Variants in CIITA observed in about 807,000 individuals in gnomAD.
The protein encoded by CIITA is class II major histocompatibility complex transactivator, also known as MHC class II transactivator.
A neutral mutation model predicts 115.1 loss-of-function variants in CIITA; 72 were observed. That is an observed-to-expected ratio of 0.63 (90% CI 0.52 to 0.76). The LOEUF is 0.76. Ranked by LOEUF, CIITA falls within the 30% of genes least tolerant of loss-of-function variation. The pLI is 0.00. For missense variants in CIITA, 1,617 were observed against 1,463.8 expected, an observed-to-expected ratio of 1.10 and a Z score of -1.71; for synonymous variants, 763 against 635.6, an observed-to-expected ratio of 1.20 and a Z score of -3.02.
chr16:10,906,683 G>C lies in CIITA; in HGVS notation c.1191G>C (p.Leu397=). ...WAERQLAQGG[L]AEVLLAAKEH... ...AACGGCAGCTGGCCCAAGGAGGCCT[G>C]GCTGAGGTGCTGTTGGCTGCCAAGG... Residue 397 remains leucine (L), a synonymous_variant, in exon 11 of 20, where the codon CTG becomes CTC. Transcript: ENST00000324288. 1.9e-6 allele frequency: 3 copies of C among 1,613,156 alleles called. No individual in the cohort carries two copies. The highest frequency in any genetic ancestry group is 2.5e-6 in the Non-Finnish European group (3 of 1,179,982).
In CIITA at chr16:10,879,144, G is replaced by A; in HGVS notation, c.52+1762G>A. The A allele has an allele frequency of 5.5e-6, 1 of 182,530 alleles. No individual in the cohort carries two copies. Among genetic ancestry groups the A allele is most frequent in the Non-Finnish European group, 1.2e-5 (1 of 85,652 alleles). The allele number at this position is 182,530 out of a possible 1,614,324, so 11.3% of individuals were successfully genotyped here. On this transcript the variant is annotated intron_variant, in intron 1 of 19. Coordinates refer to ENST00000324288, the MANE Select transcript of CIITA (RefSeq NM_000246.4). This position sits in a 1 kb window ranked among gnomAD's most constrained non-coding sequence, Gnocchi z 4.3. ...TCAAGGTCACACAGCAAGTCTGGGA[G>A]GATGGGGGGATGGAATATGCAAAAT...
chr16:10,905,244 A>G (rs1036242770), intron 10 of CIITA, among the ~76,000 whole-genome samples: 2 of 152,250 alleles, frequency 1.3e-5, no homozygotes, highest in Non-Finnish European at 2.9e-5. Flanking sequence ...AATCATTAAC[A>G]TCTCACACAA....
In CIITA at chr16:10,901,648, G is replaced by A. The variant is rs1289648465; in HGVS notation, c.481+90G>A. 1.0e-5 allele frequency: 14 copies of A among 1,371,842 alleles called. No individual in the cohort carries two copies. Among genetic ancestry groups the A allele is most frequent in the Non-Finnish European group, 1.3e-5 (13 of 980,164 alleles). 85.0% of individuals were successfully genotyped at this position (1,371,842 alleles called of 1,614,324 possible). On this transcript the variant is annotated intron_variant, in intron 6 of 19. Transcript: ENST00000324288. This position sits in a 1 kb window ranked among gnomAD's most constrained non-coding sequence, Gnocchi z 6.8. ...TGAACTCCTGGCCCAAGTCTGATGG[G>A]GATGGTGCATGGTGCAGCCCCTGCC...
Position 10,920,909 on chromosome 16 carries a change from C to A in CIITA, c.3150-1258C>A, listed in dbSNP as rs1204882131. On this transcript the variant is annotated intron_variant, in intron 16 of 19. Coordinates refer to ENST00000324288, the MANE Select transcript of CIITA (RefSeq NM_000246.4). This position sits in a 1 kb window ranked among gnomAD's most constrained non-coding sequence, Gnocchi z 4.5. ...CTTTTTTTTTCGAGACAGAGTTTCG[C>A]TCTTGTTGCCAAGGCTGGAGTGCAG... Among the ~76,000 whole-genome samples, 1 of 152,132 alleles carries A rather than the reference C, an allele frequency of 6.6e-6. No homozygotes were observed.
At position 10,906,995 on chromosome 16, in the gene CIITA, C is replaced by T. The variant is rs768999342; in HGVS notation, c.1503C>T (p.Phe501=). 2.8e-5 allele frequency: 45 copies of T among 1,610,378 alleles called. No homozygotes were observed. Among genetic ancestry groups the T allele is most frequent in the Non-Finnish European group, 3.5e-5 (41 of 1,179,894 alleles). The change falls in exon 11 of 20, where the codon TTC becomes TTT. Residue 501 remains phenylalanine, a synonymous_variant. Transcript: ENST00000324288. ...GCGTTCTGCTCATCCTAGACGGCTTCGAGGAGCTGGAAGCGCAAGATGGCT... is the reference window on the plus strand; with the variant it reads ...GCGTTCTGCTCATCCTAGACGGCTTTGAGGAGCTGGAAGCGCAAGATGGCT... The part of the protein sequence containing the change: ...PDRVLLILDG[F]EELEAQDGFL...
At position 10,902,791 on chromosome 16, in the gene CIITA, C is replaced by A. The variant is rs1274314062; in HGVS notation, c.762C>A (p.Phe254Leu). Residue 254 changes from phenylalanine (F) to leucine (L), a missense_variant, in exon 8 of 20, where the codon TTC becomes TTA. Transcript: ENST00000324288. ...CTGGAACAGGGGTCTCCAGTATATT[C>A]ATCTACCATGGTGAGTGCGGGGCCT... Reference protein sequence around the residue: ...SEAGTGVSSIFIYHGEVPQAS... With the variant: ...SEAGTGVSSILIYHGEVPQAS... The A allele has an allele frequency of 6.2e-7, 1 of 1,614,172 alleles. No homozygotes were observed. The highest frequency in any genetic ancestry group is 8.5e-7 in the Non-Finnish European group (1 of 1,180,040).
At chr16:10,908,519 G>A in intron 11 of CIITA, 1 of 426,118 alleles carries the variant, frequency 2.3e-6, no homozygotes, top group South Asian at 2.1e-5. Flanking sequence ...TGGACTCTCT[G>A]CCTCCATTCT....
In CIITA at chr16:10,929,299, C is replaced by T. The variant is rs1170199116; in HGVS notation, c.*5444C>T. ...GAAGGTGAAGTGGGGGAAGCAGGTG[C>T]GCTCCGGGATGAAGTGCAGGGAGGC... On this transcript the variant is annotated 3_prime_UTR_variant, in exon 20 of 20. Transcript: ENST00000324288. This position sits in a 1 kb window ranked among gnomAD's most constrained non-coding sequence, Gnocchi z 4.3. 36 of 985,816 alleles carry T rather than the reference C, an allele frequency of 3.7e-5. No individual in the cohort carries two copies. Among genetic ancestry groups the T allele is most frequent in the African/African-American group, 1.6e-4 (9 of 57,244 alleles). The allele number at this position is 985,816 out of a possible 1,614,324, so 61.1% of individuals were successfully genotyped here. A position where few individuals can be genotyped will look rare whatever the true frequency, so the allele number is the denominator to read the frequency against.
chr16:10,901,491 C>G lies in CIITA; in HGVS notation c.437-23C>G. On this transcript the variant is annotated intron_variant, in intron 5 of 19. Transcript: ENST00000324288. The surrounding 1 kb of genome is among the most constrained non-coding windows in gnomAD (Gnocchi z 6.8). ...TTGGGACATCCTCTCCCTGGGGCAG[C>G]TGATCACATGTTTTCTCTGCAGCCT... The G allele has an allele frequency of 6.2e-7, 1 of 1,613,988 alleles. No homozygotes were observed. Among genetic ancestry groups the G allele is most frequent in the Non-Finnish European group, 8.5e-7 (1 of 1,179,960 alleles).
rs146140272 is a variant in CIITA, at chr16:10,880,135, C to T, written c.52+2753C>T. 5.1e-3 allele frequency among the ~76,000 whole-genome samples: 782 copies of T among 152,308 alleles called. 7 individuals are homozygous for T. Among genetic ancestry groups the T allele is most frequent in the African/African-American group, 0.018 (740 of 41,562 alleles). On this transcript the variant is annotated intron_variant, in intron 1 of 19. Coordinates refer to ENST00000324288, the MANE Select transcript of CIITA (RefSeq NM_000246.4). ...GATCACCTTGCAAACCCCCGGCTCC[C>T]TTAGGGGATGACCTGGTCTCCAACA... is the stretch of plus-strand genomic sequence containing the variant.
rs1370216678 is a variant in CIITA at position 10,907,275 on chromosome 16, C to G, written c.1783C>G (p.Leu595Val). The stretch of plus-strand genomic sequence containing the variant: ...GATGACAGAGCACCAAGACAGAGCC[C>G]TGACGCTCCTCCGGGACCGGCCACT... ...SGMTEHQDRALTLLRDRPLLL... is the reference protein window; with the variant it reads ...SGMTEHQDRAVTLLRDRPLLL... The change falls in exon 11 of 20, where the codon CTG becomes GTG. Residue 595 changes from leucine to valine, a missense_variant. Transcript: ENST00000324288. This position sits in a 1 kb window ranked among gnomAD's most constrained non-coding sequence, Gnocchi z 5.0. 18 of 1,613,430 alleles carry G rather than the reference C, an allele frequency of 1.1e-5. No homozygotes were observed.
intron 18 of CIITA, 98 bp downstream of exon 18, chr16:10,922,588 A>G: frequency 8.3e-7 from 1 of 1,210,166 alleles, no homozygotes. Context: ...TCCCTTCACC[A>G]ATCTGCAACC....
At position 10,936,362 on chromosome 16, in the gene CIITA, A is replaced by G. The variant is rs2041021537; in HGVS notation, c.*12507A>G. On this transcript the variant is annotated 3_prime_UTR_variant, in exon 20 of 20. Transcript: ENST00000324288. ...GGTTATGCAAATTTGTCCTTGTTCT[A>G]AGGAAATAAATACTGAATTATTTAG... The G allele has an allele frequency of 6.6e-6, 1 of 152,170 alleles. No homozygotes were observed. The highest frequency in any genetic ancestry group is 2.1e-4 in the South Asian group (1 of 4,828). The allele number at this position is 152,170 out of a possible 1,614,324, so 9.4% of individuals were successfully genotyped here.
chr16:10,910,855 CT>C (rs2039510161), intron 13 of CIITA, among the ~76,000 whole-genome samples: 2 of 152,254 alleles, frequency 1.3e-5, no homozygotes, highest in African/African-American at 4.8e-5. Context: ...CAGGGAGAAT[CT>C]TTCCCCCATT....
chr16:10,902,534 A>C, intron 7 of CIITA, 124 bp from the exon 8 acceptor site: 1 of 1,202,734 alleles, frequency 8.3e-7, no homozygotes, highest in Non-Finnish European at 1.2e-6. Context: ...GGACAGAAAC[A>C]GCTACTGCTC....
rs1403489149 is a variant in CIITA, at chr16:10,866,321, T to A, written c.-21+2T>A. The stretch of plus-strand genomic sequence containing the variant: ...AACTTCCAGGCCATCCTGACTCAGG[T>A]GAGAATGCTGCTCTCCAGCCATCAG... On this transcript the variant is annotated splice_donor_variant, in intron 1 of 5. Coordinates refer to the CIITA transcript ENST00000636238. LOFTEE classifies it low-confidence loss of function (5UTR_SPLICE). 3.5e-6 allele frequency: 2 copies of A among 568,990 alleles called. No homozygotes were observed. The highest frequency in any genetic ancestry group is 6.9e-6 in the Non-Finnish European group (2 of 290,448). 35.2% of individuals were successfully genotyped at this position (568,990 alleles called of 1,614,324 possible).
rs538751344 is a variant in CIITA at position 10,925,489 on chromosome 16, T to C, written c.*1634T>C. 2 of 152,350 alleles carry C rather than the reference T, an allele frequency of 1.3e-5. No homozygotes were observed. The highest frequency in any genetic ancestry group is 1.3e-4 in the Admixed American group (2 of 15,304). The allele number at this position is 152,350 out of a possible 1,614,324, so 9.4% of individuals were successfully genotyped here. On this transcript the variant is annotated 3_prime_UTR_variant, in exon 20 of 20. Coordinates refer to ENST00000324288, the MANE Select transcript of CIITA (RefSeq NM_000246.4). Reference sequence around the variant, plus strand: ...GCCCAGTTAATCTTTAGTTTTATTTTTGTAGAGCCAGGGTCTCACTATGTT... The same window carrying C: ...GCCCAGTTAATCTTTAGTTTTATTTCTGTAGAGCCAGGGTCTCACTATGTT...
Position 10,893,031 on chromosome 16 carries a change from G to A in CIITA, c.53-2251G>A, listed in dbSNP as rs181242305. ...ATGACAAGTGTCTTTATAAGAGAAA[G>A]AGACTTGCTACATGAGGAGTAGGTG... is the stretch of plus-strand genomic sequence containing the variant. On this transcript the variant is annotated intron_variant, in intron 1 of 19. Coordinates refer to ENST00000324288, the MANE Select transcript of CIITA (RefSeq NM_000246.4). Among the ~76,000 whole-genome samples, 29 of 152,302 alleles carry A rather than the reference G, an allele frequency of 1.9e-4. 1 individual carries two copies. In the East Asian group the frequency reaches 5.0e-3, roughly 26 times the overall value.
chr16:10,898,593 C>T (rs2038378566), intron 3 of CIITA, 77 bp from the exon 4 acceptor site: 2 of 1,399,436 alleles, frequency 1.4e-6, no homozygotes, highest in Non-Finnish European at 2.0e-6. Flanking sequence ...CCAGAGGTTC[C>T]CCAGCCCAAG....
Sources: allele counts gnomAD v4.1 joint callset (sites outside exome capture counted in the v4.1 genomes callset), GRCh38; gene constraint gnomAD v4.1.1; non-coding constraint Gnocchi (gnomAD v3.1); transcripts MANE v1.5; gene names NCBI Gene and HGNC (gene_info 2026-07-23, HGNC 2026-07-21).